SPMIP2: variants seen among roughly 807,000 people sequenced by gnomAD.
SPMIP2 encodes sperm microtubule inner protein 2.
At chr4:158,930,326 C>T in the SPMIP2 span, among the ~76,000 whole-genome samples, 1 of 152,186 alleles carries the variant, frequency 6.6e-6, no homozygotes, top group African/African-American at 2.4e-5. Context: ...ATCCTCCCCA[C>T]CACAGCCTCC....
At chr4:158,928,837 C>T in the SPMIP2 span, among the ~76,000 whole-genome samples, 3 of 151,722 alleles carry the variant, frequency 2.0e-5, no homozygotes, top group Admixed American at 6.6e-5. Context: ...CAAACAACAC[C>T]AGACGTGCTG....
chr4:158,983,370 A>G, the SPMIP2 span, among the ~76,000 whole-genome samples: 1 of 151,724 alleles, frequency 6.6e-6, no homozygotes. Context: ...CAGATTCACC[A>G]AAGTTGAAAT....
the SPMIP2 span, among the ~76,000 whole-genome samples, chr4:158,897,809 G>C: frequency 6.6e-6 from 1 of 152,150 alleles, no homozygotes; most frequent in Non-Finnish European, 1.5e-5. Context: ...TCTGATGATA[G>C]TTTATTTTGC....
the SPMIP2 span, among the ~76,000 whole-genome samples, chr4:158,968,093 G>A: frequency 0.65 from 98,170 of 152,022 alleles, 31,931 homozygotes; most frequent in Middle Eastern, 0.71. Context: ...GCAGTGGCGC[G>A]ATCTTAGCTC....
At chr4:158,894,460 C>T in the SPMIP2 span, among the ~76,000 whole-genome samples, 2 of 152,168 alleles carry the variant, frequency 1.3e-5, no homozygotes, top group Non-Finnish European at 2.9e-5. Context: ...GCGTGAGCCA[C>T]TATGACTGGC....
chr4:158,937,684 A>T, the SPMIP2 span: 1 of 154,138 alleles, frequency 6.5e-6, no homozygotes, highest in Admixed American at 6.5e-5. Flanking sequence ...GAGTTTACTG[A>T]GCACACACTG....
the SPMIP2 span, among the ~76,000 whole-genome samples, chr4:158,974,163 G>A: frequency 6.6e-6 from 1 of 151,664 alleles, no homozygotes; most frequent in Non-Finnish European, 1.5e-5. Context: ...AAAATTGTTA[G>A]ATGAGGGTAG....
At chr4:158,908,316 C>T in the SPMIP2 span, among the ~76,000 whole-genome samples, 2 of 152,018 alleles carry the variant, frequency 1.3e-5, no homozygotes, top group Non-Finnish European at 1.5e-5. Context: ...CCACCTCCTG[C>T]GTAACCCTTA....
the SPMIP2 span, among the ~76,000 whole-genome samples, chr4:158,901,744 ATC>A: frequency 6.6e-6 from 1 of 151,360 alleles, no homozygotes; most frequent in Admixed American, 6.6e-5. Context: ...TTGATCTTCA[ATC>A]TCTGATAGCC....
the SPMIP2 span, among the ~76,000 whole-genome samples, chr4:159,024,266 C>G: frequency 6.6e-5 from 10 of 152,194 alleles, no homozygotes; most frequent in Admixed American, 5.9e-4. Context: ...AATCTTCTAT[C>G]CACTGCAGAC....
the SPMIP2 span, among the ~76,000 whole-genome samples, chr4:158,982,370 A>G: frequency 6.6e-6 from 1 of 152,198 alleles, no homozygotes; most frequent in Non-Finnish European, 1.5e-5. Context: ...TGGACGAAGC[A>G]GACCTAACAG....
the SPMIP2 span, among the ~76,000 whole-genome samples, chr4:158,953,639 T>G: frequency 6.6e-6 from 1 of 152,082 alleles, no homozygotes; most frequent in African/African-American, 2.4e-5. Context: ...GCTTGCACCA[T>G]TTGCCTGGAA....
the SPMIP2 span, among the ~76,000 whole-genome samples, chr4:159,034,421 A>G: frequency 6.6e-6 from 1 of 152,350 alleles, no homozygotes; most frequent in East Asian, 1.9e-4. Flanking sequence ...TATGTTTTTT[A>G]TTACATCAAA....
the SPMIP2 span, among the ~76,000 whole-genome samples, chr4:158,952,647 C>G: frequency 1.3e-5 from 2 of 152,136 alleles, no homozygotes; most frequent in Non-Finnish European, 2.9e-5. Context: ...GAGGTTGGAA[C>G]AGTTTGGAGG....
the SPMIP2 span, among the ~76,000 whole-genome samples, chr4:159,068,907 G>C: frequency 2.6e-5 from 4 of 152,104 alleles, no homozygotes; most frequent in Non-Finnish European, 5.9e-5. Context: ...AGATCCTTTT[G>C]GGAGCTACCT....
chr4:159,057,794 T>A, the SPMIP2 span, among the ~76,000 whole-genome samples: 1 of 152,216 alleles, frequency 6.6e-6, no homozygotes, highest in Non-Finnish European at 1.5e-5. Context: ...TACATGATTA[T>A]AATTTTTAAA....
the SPMIP2 span, among the ~76,000 whole-genome samples, chr4:158,927,812 G>A: frequency 6.6e-6 from 1 of 152,230 alleles, no homozygotes; most frequent in Admixed American, 6.5e-5. Context: ...GGCGGGCCCT[G>A]CTGGCCCCGG....
chr4:159,018,577 C>CA, the SPMIP2 span, among the ~76,000 whole-genome samples: 1 of 151,970 alleles, frequency 6.6e-6, no homozygotes, highest in African/African-American at 2.4e-5. Context: ...CTGAACAAGG[C>CA]AAAAAAATGT....
chr4:159,050,646 T>TA, the SPMIP2 span, among the ~76,000 whole-genome samples: 1 of 151,310 alleles, frequency 6.6e-6, no homozygotes, highest in Non-Finnish European at 1.5e-5. Flanking sequence ...CTACAAAACA[T>TA]AAAAAATTAG....
Sources: gnomAD v4.1 joint callset for allele counts (sites outside exome capture counted in the v4.1 genomes callset) on GRCh38, gnomAD v4.1.1 for gene constraint, MANE v1.5 for transcripts, NCBI Gene and HGNC (gene_info 2026-07-23, HGNC 2026-07-21) for gene names.